LCORL: variants seen among roughly 807,000 people sequenced by gnomAD.
LCORL encodes ligand-dependent nuclear receptor corepressor-like protein.
In LCORL, 41 loss-of-function variants were observed where a neutral mutation model predicts 141.8. That is an observed-to-expected ratio of 0.29 (90% CI 0.23 to 0.38). The LOEUF is 0.38. LCORL is among the 10% of genes least tolerant of loss of function. The pLI is 1.00. For missense variants in LCORL, 1,759 were observed against 2,035.0 expected, an observed-to-expected ratio of 0.86 and a Z score of 2.61; for synonymous variants, 618 against 694.1, an observed-to-expected ratio of 0.89 and a Z score of 1.72.
chr4:17,991,892 TCACA>T (rs1720079325), intron 1 of LCORL, among the ~76,000 whole-genome samples: 1 of 105,152 alleles, frequency 9.5e-6, no homozygotes, highest in Non-Finnish European at 2.0e-5. Context: ...ACCCTCACCC[TCACA>T]GAGAGGTGTA....
chr4:17,875,185 C>T lies in LCORL; in HGVS notation c.3805G>A (p.Glu1269Lys), dbSNP rs995193183. Residue 1269 changes from glutamate (E) to lysine (K), a missense_variant, in exon 7 of 8, where the codon GAA (glutamate) becomes AAA (lysine). Physicochemically the swap from Glu to Lys is moderately conservative, Grantham distance 56 (BLOSUM62 1). This residue lies in a region of LCORL where 1,311 missense variants were observed against 1,531.3 expected (regional missense o/e 0.86). Transcript: ENST00000635767. ...CAGCTGCTAATACTTACTTCTCTTT[C>T]CTGAGGTGAAGTTCTATTAATAGTC... 10 of 1,231,732 alleles carry T rather than the reference C, an allele frequency of 8.1e-6. No individual in the cohort carries two copies. In the Admixed American group the frequency reaches 4.2e-4, roughly 52 times the overall value. 76.3% of individuals were successfully genotyped at this position (1,231,732 alleles called of 1,614,324 possible).
At chr4:17,901,423 C>T (rs1436014204) in intron 5 of LCORL, among the ~76,000 whole-genome samples, 1 of 150,592 alleles carries the variant, frequency 6.6e-6, no homozygotes, top group East Asian at 1.9e-4. Context: ...AGTTTACTAC[C>T]AATAAACCCT....
At chr4:17,913,310 G>A (rs371899364) in intron 4 of LCORL, among the ~76,000 whole-genome samples, 1 of 152,202 alleles carries the variant, frequency 6.6e-6, no homozygotes, top group Non-Finnish European at 1.5e-5. Context: ...GACAACAGCA[G>A]AGCTTTCAAT....
exon 8 of LCORL, chr4:17,842,525 A>C: frequency 1.6e-6 from 1 of 642,712 alleles, no homozygotes; most frequent in Non-Finnish European, 2.7e-6. Context: ...TATATAGTCT[A>C]AAATTCCATC....
Position 18,021,692 on chromosome 4 carries a change from GGCGGCGGCGGCGGCA to G in LCORL, c.45_59del (p.Ala18_Ala22del), listed in dbSNP as rs1256001696. The G allele has an allele frequency of 4.6e-5, 70 of 1,531,388 alleles. No homozygotes were observed. The Admixed American group carries it at 9.3e-4, about 20-fold the overall frequency. 94.9% of individuals were successfully genotyped at this position (1,531,388 alleles called of 1,614,324 possible). A position where few individuals can be genotyped will look rare whatever the true frequency, so the allele number is the denominator to read the frequency against. On this transcript the variant is annotated inframe_deletion, in exon 1 of 8. Transcript: ENST00000635767. This position sits in a 1 kb window ranked among gnomAD's most constrained non-coding sequence, Gnocchi z 5.5. ...ACCGAGGGCTCCGGCACTGAGCGGC[GGCGGCGGCGGCGGCA>G]GCAGCGGCGGCGGCAGCGGCCATTC...
At chr4:17,859,490 G>A (rs1405127307) in intron 7 of LCORL, among the ~76,000 whole-genome samples, 1 of 152,060 alleles carries the variant, frequency 6.6e-6, no homozygotes, top group Non-Finnish European at 1.5e-5. Flanking sequence ...AACAGCAGAC[G>A]TGCACTACAA....
chr4:17,925,562 C>T (rs1734985408), intron 4 of LCORL, among the ~76,000 whole-genome samples: 1 of 152,110 alleles, frequency 6.6e-6, no homozygotes, highest in African/African-American at 2.4e-5. Flanking sequence ...ATAAGCATTT[C>T]CTCCTCAATT....
At chr4:17,901,967 G>C (rs1005823322) in intron 5 of LCORL, among the ~76,000 whole-genome samples, 1 of 152,048 alleles carries the variant, frequency 6.6e-6, no homozygotes, top group Non-Finnish European at 1.5e-5. Flanking sequence ...GGGAGGTGTG[G>C]AGGAGGCTTT....
exon 8 of LCORL, chr4:17,842,323 GAC>G: frequency 1.2e-6 from 2 of 1,611,980 alleles, no homozygotes; most frequent in Non-Finnish European, 1.7e-6. Context: ...AGAGAAAAGT[GAC>G]AGTTTCAGCT....
At chr4:17,843,546 C>A in exon 8 of LCORL, 3 of 1,112,360 alleles carry the variant, frequency 2.7e-6, no homozygotes, top group Non-Finnish European at 3.9e-6. Context: ...TTCTGCTGTG[C>A]GCTTCCACGT....
chr4:17,971,519 C>T (rs1182878582), intron 2 of LCORL, among the ~76,000 whole-genome samples: 1 of 149,274 alleles, frequency 6.7e-6, no homozygotes, highest in Non-Finnish European at 1.5e-5. Flanking sequence ...CAGAATACAT[C>T]TTTTGCATAC....
chr4:17,869,484 G>A (rs1031939166), intron 7 of LCORL, among the ~76,000 whole-genome samples: 15 of 152,128 alleles, frequency 9.9e-5, no homozygotes, highest in African/African-American at 3.6e-4. Flanking sequence ...CTTATCAACA[G>A]TTTACATTGC....
At chr4:17,896,317 C>T (rs755371767) in intron 5 of LCORL, among the ~76,000 whole-genome samples, 3 of 151,992 alleles carry the variant, frequency 2.0e-5, no homozygotes, top group Non-Finnish European at 4.4e-5. Context: ...GAGTTTCGCT[C>T]TTGTTGCCCA....
intron 7 of LCORL, among the ~76,000 whole-genome samples, chr4:17,865,043 C>T (rs1725477951): frequency 6.6e-6 from 1 of 152,148 alleles, no homozygotes; most frequent in African/African-American, 2.4e-5. Context: ...AAGGAAAATA[C>T]ACAATCATAG....
intron 2 of LCORL, among the ~76,000 whole-genome samples, chr4:17,969,451 TAA>T (rs1715529899): frequency 6.6e-6 from 1 of 152,188 alleles, no homozygotes; most frequent in African/African-American, 2.4e-5. Flanking sequence ...GCGTGTAAGA[TAA>T]AAAGTCTTTA....
intron 2 of LCORL, among the ~76,000 whole-genome samples, chr4:17,968,724 G>A (rs1715390961): frequency 1.3e-5 from 2 of 152,142 alleles, no homozygotes; most frequent in African/African-American, 4.8e-5. Context: ...AGGAATGAGT[G>A]AGACTATGTC....
intron 1 of LCORL, among the ~76,000 whole-genome samples, chr4:18,001,160 G>C (rs1721890334): frequency 6.6e-6 from 1 of 152,152 alleles, no homozygotes; most frequent in Admixed American, 6.5e-5. Flanking sequence ...AACAGAGCGA[G>C]ACCCTGTCTC....
At chr4:17,939,984 C>CTATATATGCATATATACACTATATGG in intron 4 of LCORL, among the ~76,000 whole-genome samples, 1 of 149,284 alleles carries the variant, frequency 6.7e-6, no homozygotes, top group Non-Finnish European at 1.5e-5. Flanking sequence ...TATGCATGTA[C>CTATATATGCATATATACACTATATGG]TATATATGCA....
intron 1 of LCORL, among the ~76,000 whole-genome samples, chr4:17,983,704 T>C (rs1718424003): frequency 6.6e-6 from 1 of 152,084 alleles, no homozygotes; most frequent in South Asian, 2.1e-4. Flanking sequence ...ATGATGTCTA[T>C]ATCATCAGAC....
Sources: allele counts gnomAD v4.1 joint callset (sites outside exome capture counted in the v4.1 genomes callset), GRCh38; gene constraint gnomAD v4.1.1; regional missense constraint gnomAD v4.1.1; non-coding constraint Gnocchi (gnomAD v3.1); transcripts MANE v1.5; gene names NCBI Gene and HGNC (gene_info 2026-07-23, HGNC 2026-07-21).